Variants in PCDHA1 observed in about 807,000 individuals in gnomAD.
PCDHA1 encodes protocadherin alpha 1, also known as protocadherin alpha-1.
In PCDHA1, 42 loss-of-function variants were observed where a neutral mutation model predicts 61.3. The observed-to-expected ratio is 0.69, with a 90% confidence interval of 0.54 to 0.89. The LOEUF (loss-of-function observed/expected upper bound fraction) is 0.89, where lower values mean the gene tolerates loss of function less well. Ranked by LOEUF, PCDHA1 falls within the 40% of genes least tolerant of loss-of-function variation. The probability of loss-of-function intolerance (pLI) is 0.00; values close to 1 mark genes in which losing one functional copy is unlikely to be tolerated. For synonymous variants in PCDHA1, 610 were observed against 553.8 expected (o/e 1.10, Z -1.43); for missense variants, 1,256 against 1,235.3 (o/e 1.02, Z -0.25).
In PCDHA1 at chr5:140,968,189, T is replaced by G. The variant is rs181004208; in HGVS notation, c.2395-10760T>G. The G allele has an allele frequency of 2.2e-5, 35 of 1,614,034 alleles. No individual in the cohort carries two copies. The Admixed American group carries it at 4.2e-4, about 19-fold the overall frequency. On this transcript the variant is annotated intron_variant, in intron 1 of 3. Coordinates refer to ENST00000504120, the MANE Select transcript of PCDHA1 (RefSeq NM_018900.4). ...ACCAAGCTTCCTGGAGGACTCCTAT[T>G]CCATCTACATACAGGAGAACAATTT... is the stretch of plus-strand genomic sequence containing the variant.
rs538024116 is a variant in PCDHA1 at position 140,945,235 on chromosome 5, T to C, written c.2395-33714T>C. Among the ~76,000 whole-genome samples the C allele has an allele frequency of 1.1e-4, 17 of 152,128 alleles. No homozygotes were observed. In the South Asian group the frequency reaches 3.5e-3, roughly 32 times the overall value. On this transcript the variant is annotated intron_variant, in intron 1 of 3. Coordinates refer to ENST00000504120, the MANE Select transcript of PCDHA1 (RefSeq NM_018900.4). ...GAAAATAAAAATACTTAGGAATAAA[T>C]TTAACCAAGAGGATGAAAGACCTGC...
At chr5:140,923,826 T>A (rs2081533545) in intron 1 of PCDHA1, among the ~76,000 whole-genome samples, 1 of 152,218 alleles carries the variant, frequency 6.6e-6, no homozygotes, top group East Asian at 1.9e-4. Context: ...TAGACGTCAG[T>A]GGCAGTTTAA....
intron 1 of PCDHA1, chr5:140,802,422 C>A (rs1554122119): frequency 6.2e-7 from 1 of 1,614,234 alleles, no homozygotes; most frequent in South Asian, 1.1e-5. Context: ...CTCATTGGTG[C>A]TGGACAGCCC....
chr5:140,834,427 T>C (rs2150217610), intron 1 of PCDHA1: 1 of 1,613,722 alleles, frequency 6.2e-7, no homozygotes, highest in Non-Finnish European at 8.5e-7. Context: ...CGACATCTAC[T>C]GCTGTTTATT....
chr5:140,880,822 A>T (rs893258483), intron 1 of PCDHA1, among the ~76,000 whole-genome samples: 2 of 152,206 alleles, frequency 1.3e-5, no homozygotes, highest in Non-Finnish European at 2.9e-5. Flanking sequence ...GAGTGTCTGG[A>T]AGGGCATATT....
At chr5:140,808,283 G>A (rs367717209) in intron 1 of PCDHA1, 2 of 1,614,098 alleles carry the variant, frequency 1.2e-6, no homozygotes, top group African/African-American at 2.7e-5. Flanking sequence ...CGCTCCACTG[G>A]GTACAGTCAT....
intron 1 of PCDHA1, chr5:140,871,086 G>A (rs556097993): frequency 6.6e-5 from 106 of 1,613,256 alleles, no homozygotes; most frequent in Middle Eastern, 1.6e-4. Flanking sequence ...TGACGGCCAC[G>A]GCCACCGTGC....
rs563178599 is a variant in PCDHA1, at chr5:140,863,384, C to G, written c.2394+74700C>G. The G allele has an allele frequency of 5.4e-5, 56 of 1,044,914 alleles. No homozygotes were observed. In the South Asian group the frequency reaches 6.5e-4, roughly 12 times the overall value. The allele number at this position is 1,044,914 out of a possible 1,614,324, so 64.7% of individuals were successfully genotyped here. On this transcript the variant is annotated intron_variant, in intron 1 of 3. Coordinates refer to ENST00000504120, the MANE Select transcript of PCDHA1 (RefSeq NM_018900.4). ...TGCTTGGCGCAGCTCACCGAGAGCT[C>G]GTGCATGCCGGGCAAGCCCACGCTG... is the stretch of plus-strand genomic sequence containing the variant.
rs1305370888 is a variant in PCDHA1, at chr5:140,852,030, T to C, written c.2394+63346T>C. 9.7e-5 allele frequency: 91 copies of C among 938,230 alleles called. 9 individuals are homozygous for C. The highest frequency in any genetic ancestry group is 9.0e-5 in the Non-Finnish European group (70 of 773,886). The allele number at this position is 938,230 out of a possible 1,614,324, so 58.1% of individuals were successfully genotyped here. A position where few individuals can be genotyped will look rare whatever the true frequency, so the allele number is the denominator to read the frequency against. On this transcript the variant is annotated intron_variant, in intron 1 of 3. Coordinates refer to ENST00000504120, the MANE Select transcript of PCDHA1 (RefSeq NM_018900.4). ...TTTATAGTTTTAAAAACTTCGCTTATTGAGTTTTTGTTATGTGGTTTATAT... is the reference window on the plus strand; with the variant it reads ...TTTATAGTTTTAAAAACTTCGCTTACTGAGTTTTTGTTATGTGGTTTATAT...
chr5:140,851,095 T>C, intron 1 of PCDHA1: 1 of 1,289,772 alleles, frequency 7.8e-7, no homozygotes, highest in East Asian at 2.7e-5. Context: ...TAAATAGATA[T>C]TTTTTGGGTG....
Position 140,801,412 on chromosome 5 carries a change from G to A in PCDHA1, c.2394+12728G>A, listed in dbSNP as rs149543626. ...TTCCGGGTGGCGTCCAAAAGACACG[G>A]GGACCTTCTGGAGGTAAATCTGCAG... On this transcript the variant is annotated intron_variant, in intron 1 of 3. Coordinates refer to ENST00000504120, the MANE Select transcript of PCDHA1 (RefSeq NM_018900.4). 1.3e-5 allele frequency: 21 copies of A among 1,613,802 alleles called. No homozygotes were observed. The African/African-American group carries it at 2.8e-4, about 22-fold the overall frequency.
chr5:140,981,794 T>G (rs1290588653), intron 2 of PCDHA1, among the ~76,000 whole-genome samples: 2 of 152,150 alleles, frequency 1.3e-5, no homozygotes, highest in Non-Finnish European at 2.9e-5. Flanking sequence ...CTCTTTTCCC[T>G]TGAACAGTTT....
At chr5:140,982,409 G>A (rs1554244106) in intron 2 of PCDHA1, 66 bp from the exon 3 acceptor site, 20 of 1,608,038 alleles carry the variant, frequency 1.2e-5, no homozygotes, top group Non-Finnish European at 1.6e-5. Flanking sequence ...CAATTTCTGA[G>A]GGTGGAAGAA....
At chr5:140,882,529 T>G (rs1277056302) in intron 1 of PCDHA1, 1 of 1,614,074 alleles carries the variant, frequency 6.2e-7, no homozygotes, top group Non-Finnish European at 8.5e-7. Context: ...TGTTTGTGAA[T>G]TCTCGGATCG....
At chr5:140,863,510 T>C in intron 1 of PCDHA1, 1 of 411,624 alleles carries the variant, frequency 2.4e-6, no homozygotes, top group Non-Finnish European at 4.8e-6. Context: ...TTAGTCCTAG[T>C]GTTCTCCCAT....
intron 1 of PCDHA1, among the ~76,000 whole-genome samples, chr5:140,924,152 C>T (rs1163487854): frequency 6.6e-6 from 1 of 152,176 alleles, no homozygotes; most frequent in African/African-American, 2.4e-5. Context: ...TGAAGAAATG[C>T]ACATCCTAAT....
At chr5:140,899,781 T>C (rs1187719719) in intron 1 of PCDHA1, among the ~76,000 whole-genome samples, 1 of 152,218 alleles carries the variant, frequency 6.6e-6, no homozygotes, top group Non-Finnish European at 1.5e-5. Context: ...TTACCTCTGG[T>C]ATAATTCGGC....
At chr5:140,938,174 G>A (rs1394846002) in intron 1 of PCDHA1, among the ~76,000 whole-genome samples, 3 of 152,200 alleles carry the variant, frequency 2.0e-5, no homozygotes, top group Admixed American at 6.5e-5. Context: ...TGGAGCTCCT[G>A]GGCTCAAGCA....
At chr5:140,929,379 GT>G (rs1554207046) in intron 1 of PCDHA1, 1 of 1,513,346 alleles carries the variant, frequency 6.6e-7, no homozygotes, top group African/African-American at 1.4e-5. Context: ...GCTGCTAGCT[GT>G]GTTTTGAAAT....
Sources: allele counts gnomAD v4.1 joint callset (sites outside exome capture counted in the v4.1 genomes callset), GRCh38; gene constraint gnomAD v4.1.1; transcripts MANE v1.5; gene names NCBI Gene and HGNC (gene_info 2026-07-23, HGNC 2026-07-21).